SCFD2: variants seen among roughly 807,000 people sequenced by gnomAD.
The protein encoded by SCFD2 is sec1 family domain containing 2, also known as sec1 family domain-containing protein 2.
In SCFD2, 54 loss-of-function variants were observed where a neutral mutation model predicts 58.9. The observed-to-expected ratio is 0.92, with a 90% CI of 0.74 to 1.15. The LOEUF (loss-of-function observed/expected upper bound fraction) is 1.15. Ranked by LOEUF, SCFD2 falls within the 50% of genes most tolerant of loss-of-function variation. SCFD2 has a pLI of 0.00. For missense variants in SCFD2, 805 were observed against 836.6 expected, an observed-to-expected ratio of 0.96 and a Z score of 0.47; for synonymous variants, 321 against 335.9, an observed-to-expected ratio of 0.96 and a Z score of 0.49.
intron 8 of SCFD2, among the ~76,000 whole-genome samples, chr4:52,877,348 A>G (rs1323963719): frequency 6.6e-6 from 1 of 152,054 alleles, no homozygotes. Flanking sequence ...GGGGCTTCTC[A>G]AGCAGTAGGT....
intron 5 of SCFD2, among the ~76,000 whole-genome samples, chr4:53,035,711 A>C (rs1166844864): frequency 2.0e-5 from 3 of 152,282 alleles, no homozygotes; most frequent in African/African-American, 7.2e-5. Flanking sequence ...TGCAGCCAAC[A>C]GACATATGAA....
intron 5 of SCFD2, among the ~76,000 whole-genome samples, chr4:52,952,226 C>A (rs1418154542): frequency 6.6e-6 from 1 of 151,142 alleles, no homozygotes; most frequent in African/African-American, 2.4e-5. Flanking sequence ...CTCTCACCTC[C>A]CCATCCCCTC....
At chr4:53,142,400 T>C (rs1234205986) in intron 5 of SCFD2, among the ~76,000 whole-genome samples, 1 of 152,200 alleles carries the variant, frequency 6.6e-6, no homozygotes, top group Admixed American at 6.5e-5. Context: ...AACCAAATTT[T>C]CATCAACCAC....
chr4:52,972,535 C>A (rs1378101364), intron 5 of SCFD2, among the ~76,000 whole-genome samples: 4 of 152,144 alleles, frequency 2.6e-5, no homozygotes, highest in Non-Finnish European at 5.9e-5. Context: ...TAGAGACCTA[C>A]AAAGAGACTT....
At chr4:52,982,077 A>G (rs1320160255) in intron 5 of SCFD2, among the ~76,000 whole-genome samples, 1 of 152,218 alleles carries the variant, frequency 6.6e-6, no homozygotes, top group African/African-American at 2.4e-5. Flanking sequence ...GTGGGTGGAT[A>G]ATGGTACTGT....
At chr4:53,338,706 G>T (rs900747635) in intron 2 of SCFD2, among the ~76,000 whole-genome samples, 1 of 143,844 alleles carries the variant, frequency 7.0e-6, no homozygotes, top group Non-Finnish European at 1.5e-5. Flanking sequence ...TCAGCCTCCC[G>T]AGTAGCTGGG....
chr4:53,018,099 A>G (rs1279027382), intron 5 of SCFD2, among the ~76,000 whole-genome samples: 1 of 152,208 alleles, frequency 6.6e-6, no homozygotes, highest in African/African-American at 2.4e-5. Context: ...CCAGAAGGTA[A>G]GCTCCATGAT....
At chr4:53,125,248 T>C (rs556445869) in intron 5 of SCFD2, among the ~76,000 whole-genome samples, 9 of 152,270 alleles carry the variant, frequency 5.9e-5, no homozygotes, top group East Asian at 3.9e-4. Context: ...GGTATTAAAA[T>C]ATAGTACAGT....
chr4:53,332,504 T>C lies in SCFD2; in HGVS notation c.1008-18741A>G, dbSNP rs557934564. Among the ~76,000 whole-genome samples, 240 of 152,320 alleles carry C rather than the reference T, an allele frequency of 1.6e-3. 1 individual carries two copies. The highest frequency in any genetic ancestry group is 5.5e-3 in the African/African-American group (229 of 41,566). On this transcript the variant is annotated intron_variant, in intron 2 of 8. Transcript: ENST00000401642. ...AGAACCAAAGAAAAAAACCACATGATTATCTCAATAGATGCAGAAAATGCC... is the reference window on the plus strand; with the variant it reads ...AGAACCAAAGAAAAAAACCACATGACTATCTCAATAGATGCAGAAAATGCC...
intron 2 of SCFD2, among the ~76,000 whole-genome samples, chr4:53,344,273 G>A (rs1733984494): frequency 6.6e-6 from 1 of 152,082 alleles, no homozygotes; most frequent in Non-Finnish European, 1.5e-5. Context: ...AAATCAATGT[G>A]CAAAAATCAC....
Position 53,145,358 on chromosome 4 carries a change from C to G in SCFD2, c.1536G>C (p.Leu512Phe). 6.2e-7 allele frequency: 1 copy of G among 1,614,118 alleles called. No homozygotes were observed. Among genetic ancestry groups the G allele is most frequent in the Non-Finnish European group, 8.5e-7 (1 of 1,180,026 alleles). Reference protein sequence around the residue: ...LAQVFCEESGLSPLLQKITDW... With the variant: ...LAQVFCEESGFSPLLQKITDW... ...CCGTAATTTTTTGCAGCAAAGGTGA[C>G]AATCCAGATTCCTCACAGAAGACCT... Residue 512 changes from leucine (L) to phenylalanine (F), a missense_variant, in exon 5 of 9, where the codon TTG becomes TTC. Leu to Phe is a conservative substitution (Grantham distance 22, BLOSUM62 0). This residue lies in a region of SCFD2 where 633 missense variants were observed against 646.8 expected (regional missense o/e 0.98). Coordinates refer to ENST00000401642, the MANE Select transcript of SCFD2 (RefSeq NM_152540.4).
At chr4:52,954,127 C>G (rs551468762) in intron 5 of SCFD2, among the ~76,000 whole-genome samples, 22 of 152,350 alleles carry the variant, frequency 1.4e-4, no homozygotes, top group Non-Finnish European at 3.2e-4. Context: ...GGGCTGCCAT[C>G]TAAGCATGAG....
intron 2 of SCFD2, among the ~76,000 whole-genome samples, chr4:53,330,359 C>G (rs1733400438): frequency 6.6e-6 from 1 of 151,908 alleles, no homozygotes; most frequent in South Asian, 2.1e-4. Flanking sequence ...GGTCGGGTTA[C>G]CCTCAAAGGG....
At chr4:53,322,602 G>GA (rs1466940086) in intron 2 of SCFD2, among the ~76,000 whole-genome samples, 2 of 152,074 alleles carry the variant, frequency 1.3e-5, no homozygotes, top group African/African-American at 4.8e-5. Context: ...TTTCCTCTTA[G>GA]AAAACAGTAA....
chr4:53,355,027 C>G (rs1430581287), intron 1 of SCFD2, among the ~76,000 whole-genome samples: 1 of 152,100 alleles, frequency 6.6e-6, no homozygotes, highest in Non-Finnish European at 1.5e-5. Context: ...GTTACCGGGA[C>G]CAGAAAATAC....
chr4:53,228,372 A>C (rs2149003256), intron 4 of SCFD2, among the ~76,000 whole-genome samples: 1 of 152,298 alleles, frequency 6.6e-6, no homozygotes, highest in African/African-American at 2.4e-5. Flanking sequence ...AGACATGAGC[A>C]GCTATAGTCA....
intron 5 of SCFD2, among the ~76,000 whole-genome samples, chr4:53,059,514 A>G (rs1158630883): frequency 1.3e-5 from 2 of 152,144 alleles, no homozygotes. Flanking sequence ...CTGACTTCAG[A>G]GCCTGAGTAT....
At chr4:53,219,031 G>GGT (rs1728959003) in intron 4 of SCFD2, among the ~76,000 whole-genome samples, 1 of 152,172 alleles carries the variant, frequency 6.6e-6, no homozygotes, top group East Asian at 1.9e-4. Flanking sequence ...GGCCGTGTGA[G>GGT]GTGTCAGTCT....
At chr4:53,259,541 C>T (rs1825147) in intron 4 of SCFD2, among the ~76,000 whole-genome samples, 108,611 of 152,028 alleles carry the variant, frequency 0.71, 38,960 homozygotes, top group Middle Eastern at 0.81. Flanking sequence ...AGTATTTGGC[C>T]TTATTTCTGG....
Sources: allele counts gnomAD v4.1 joint callset (sites outside exome capture counted in the v4.1 genomes callset), GRCh38; gene constraint gnomAD v4.1.1; regional missense constraint gnomAD v4.1.1; transcripts MANE v1.5; gene names NCBI Gene and HGNC (gene_info 2026-07-23, HGNC 2026-07-21).